The following TXLNB variants were observed in gnomAD, a reference collection of about 807,000 sequenced individuals.
The protein encoded by TXLNB is beta-taxilin.
TXLNB carries 37 observed loss-of-function variants against 57.4 expected under a neutral mutation model. The ratio of observed to expected loss-of-function variants is 0.64; its 90% CI spans 0.50 to 0.85. The LOEUF (loss-of-function observed/expected upper bound fraction) is 0.85. Ranked by LOEUF, TXLNB falls within the 40% of genes least tolerant of loss-of-function variation. The pLI, the probability that TXLNB is intolerant of heterozygous loss-of-function variation, is 0.00. For synonymous variants in TXLNB, 302 were observed against 309.6 expected (o/e 0.98, Z 0.26); for missense variants, 848 against 825.6 (o/e 1.03, Z -0.33).
At chr6:139,314,105 G>T in the TXLNB span, among the ~76,000 whole-genome samples, 1 of 152,204 alleles carries the variant, frequency 6.6e-6, no homozygotes, top group South Asian at 2.1e-4. Flanking sequence ...CCCCAAAATA[G>T]ATTGCTTAGA....
intron 6 of TXLNB, among the ~76,000 whole-genome samples, chr6:139,256,560 C>T (rs752153099): frequency 2.6e-5 from 4 of 152,266 alleles, no homozygotes; most frequent in Non-Finnish European, 5.9e-5. Context: ...CAACTCCTGA[C>T]CTCGTGATCT....
Position 139,247,924 on chromosome 6 carries a change from A to C in TXLNB, c.1078-15T>G. The stretch of plus-strand genomic sequence containing the variant: ...TAGAGAGTGAGCTGTAAACAGAGGA[A>C]AGAGTGGATCTTTCAGAATACTTCC... On this transcript the variant is annotated splice_polypyrimidine_tract_variant and intron_variant, in intron 7 of 9. Transcript: ENST00000358430. The C allele has an allele frequency of 6.6e-7, 1 of 1,504,880 alleles. No homozygotes were observed. The highest frequency in any genetic ancestry group is 9.1e-7 in the Non-Finnish European group (1 of 1,096,254). 93.2% of individuals were successfully genotyped at this position (1,504,880 alleles called of 1,614,324 possible). A position where few individuals can be genotyped will look rare whatever the true frequency, so the allele number is the denominator to read the frequency against.
rs147034721 is a variant in TXLNB at position 139,262,446 on chromosome 6, G to A, written c.882+133C>T. ...AGACCATCTGTCTTCATTTTGGCTCGTCAAGGAAATCCAATCCTAAATATT... is the reference window on the plus strand; with the variant it reads ...AGACCATCTGTCTTCATTTTGGCTCATCAAGGAAATCCAATCCTAAATATT... On this transcript the variant is annotated intron_variant, in intron 5 of 9. Coordinates refer to ENST00000358430, the MANE Select transcript of TXLNB (RefSeq NM_153235.4). 4.2e-4 allele frequency: 295 copies of A among 706,002 alleles called. 1 individual carries two copies. The highest frequency in any genetic ancestry group is 3.9e-3 in the African/African-American group (216 of 55,174). The allele number at this position is 706,002 out of a possible 1,614,324, so 43.7% of individuals were successfully genotyped here.
intron 7 of TXLNB, 145 bp from the exon 8 acceptor site, chr6:139,248,054 C>T (rs1355108478): frequency 4.2e-6 from 2 of 471,458 alleles, no homozygotes; most frequent in Non-Finnish European, 7.2e-6. Flanking sequence ...GGCCAGTGAG[C>T]ATGATTGAAA....
downstream of TXLNB, among the ~76,000 whole-genome samples, chr6:139,236,515 T>C (rs558134147): frequency 6.6e-6 from 1 of 152,274 alleles, no homozygotes; most frequent in Non-Finnish European, 1.5e-5. Flanking sequence ...TTTCCCCTGC[T>C]TGCACTCACT....
In TXLNB at chr6:139,240,255, C is replaced by T. The variant is rs1460140841; in HGVS notation, c.*2271G>A. 6.6e-6 allele frequency: 1 copy of T among 152,570 alleles called. No individual in the cohort carries two copies. The highest frequency in any genetic ancestry group is 2.4e-5 in the African/African-American group (1 of 41,424). 9.5% of individuals were successfully genotyped at this position (152,570 alleles called of 1,614,324 possible). ...TATAATTAGTAAGGCTAAATTTTAA[C>T]ACAAAGGACTATAATAAAACATTCT... is the stretch of plus-strand genomic sequence containing the variant. On this transcript the variant is annotated 3_prime_UTR_variant, in exon 10 of 10. Transcript: ENST00000358430.
chr6:139,296,767 C>T (rs545990803), upstream of TXLNB, among the ~76,000 whole-genome samples: 1 of 152,198 alleles, frequency 6.6e-6, no homozygotes, highest in East Asian at 1.9e-4. Context: ...AACAAACAAG[C>T]CAGGTGTGAT....
upstream of TXLNB, among the ~76,000 whole-genome samples, chr6:139,295,668 C>T (rs1777376969): frequency 6.6e-6 from 1 of 152,126 alleles, no homozygotes; most frequent in Non-Finnish European, 1.5e-5. Flanking sequence ...ATTGTCTTCT[C>T]ATAATGATAG....
the TXLNB span, among the ~76,000 whole-genome samples, chr6:139,323,597 T>A: frequency 3.3e-5 from 5 of 152,188 alleles, no homozygotes; most frequent in African/African-American, 9.6e-5. Flanking sequence ...TTAGTTTTTT[T>A]ATTTACTTAT....
the TXLNB span, among the ~76,000 whole-genome samples, chr6:139,310,558 G>A: frequency 6.6e-6 from 1 of 152,158 alleles, no homozygotes; most frequent in East Asian, 1.9e-4. Context: ...GTCTAATTCC[G>A]AAGCCTTCAG....
Position 139,242,977 on chromosome 6 carries a change from T to C in TXLNB, c.1604A>G (p.Asp535Gly). The C allele has an allele frequency of 6.2e-7, 1 of 1,614,120 alleles. No homozygotes were observed. Among genetic ancestry groups the C allele is most frequent in the Non-Finnish European group, 8.5e-7 (1 of 1,180,018 alleles). The change falls in exon 10 of 10, where the codon GAC (aspartate) becomes GGC (glycine). Residue 535 changes from aspartate (D) to glycine (G), a missense_variant. Asp to Gly is a moderately conservative substitution (Grantham distance 94). Coordinates refer to ENST00000358430, the MANE Select transcript of TXLNB (RefSeq NM_153235.4). ...PEIGSSQESA[D>G]AALKEPEQPP... Reference sequence around the variant, plus strand: ...TTGCTCTGGCTCCTTGAGAGCGGCGTCAGCACTCTCCTGAGAACTGCCTAT... The same window carrying C: ...TTGCTCTGGCTCCTTGAGAGCGGCGCCAGCACTCTCCTGAGAACTGCCTAT...
chr6:139,195,551 A>G, the TXLNB span, among the ~76,000 whole-genome samples: 1 of 152,234 alleles, frequency 6.6e-6, no homozygotes, highest in Non-Finnish European at 1.5e-5. Flanking sequence ...TCATCCAACT[A>G]TGGTGAAAAA....
chr6:139,161,992 A>T, the TXLNB span, among the ~76,000 whole-genome samples: 1 of 152,218 alleles, frequency 6.6e-6, no homozygotes, highest in African/African-American at 2.4e-5. Flanking sequence ...CTAGGATTAC[A>T]GCTCTCTTTT....
At chr6:139,236,016 C>CGT (rs1775832580), downstream of TXLNB, among the ~76,000 whole-genome samples, 1 of 152,146 alleles carries the variant, frequency 6.6e-6, no homozygotes, top group African/African-American at 2.4e-5. Context: ...CGCTGGGCAG[C>CGT]CTGACTCCAG....
the TXLNB span, chr6:139,180,624 T>C: frequency 5.2e-5 from 8 of 152,652 alleles, no homozygotes; most frequent in Admixed American, 4.6e-4. Context: ...AATAAATTCT[T>C]GTCAGTAAAG....
At position 139,276,924 on chromosome 6, in the gene TXLNB, TA is replaced by T. The variant is rs66961117; in HGVS notation, c.425-4del. 0.32 allele frequency: 444,615 copies of T among 1,379,922 alleles called. 68,154 individuals are homozygous for T. The highest frequency in any genetic ancestry group is 0.8 in the African/African-American group (55,038 of 68,654). The allele number at this position is 1,379,922 out of a possible 1,614,324, so 85.5% of individuals were successfully genotyped here. A position where few individuals can be genotyped will look rare whatever the true frequency, so the allele number is the denominator to read the frequency against. On this transcript the variant is annotated splice_region_variant and splice_polypyrimidine_tract_variant and intron_variant, in intron 2 of 9. Coordinates refer to ENST00000358430, the MANE Select transcript of TXLNB (RefSeq NM_153235.4). ...CATTAGCAGGTTGGCTTCTTTGCCT[TA>T]AAAAAAAAAGACATGAAAAAAATAA...
the TXLNB span, chr6:139,166,147 A>G: frequency 4.3e-6 from 3 of 700,520 alleles, no homozygotes; most frequent in South Asian, 3.9e-5. Context: ...GGAGTGATTC[A>G]TCTTTAAAGG....
chr6:139,167,498 T>A, the TXLNB span, among the ~76,000 whole-genome samples: 1 of 152,226 alleles, frequency 6.6e-6, no homozygotes, highest in African/African-American at 2.4e-5. Context: ...GATTTTTTAC[T>A]CTGATGTCAC....
chr6:139,245,505 A>G, intron 8 of TXLNB: 1 of 152,240 alleles, frequency 6.6e-6, no homozygotes, highest in Non-Finnish European at 1.5e-5. Flanking sequence ...CGAGGCATGT[A>G]CTCAGGTGCA....
Sources: allele counts gnomAD v4.1 joint callset (sites outside exome capture counted in the v4.1 genomes callset), GRCh38; gene constraint gnomAD v4.1.1; transcripts MANE v1.5; gene names NCBI Gene and HGNC (gene_info 2026-07-23, HGNC 2026-07-21).